Variants in MTOR observed in about 807,000 individuals in gnomAD.
MTOR encodes mechanistic target of rapamycin kinase, also known as serine/threonine-protein kinase mTOR.
MTOR carries 70 observed loss-of-function variants against 319.8 expected under a neutral mutation model. That is an observed-to-expected ratio of 0.22 (90% CI 0.18 to 0.27). MTOR has a LOEUF of 0.27. Ranked by LOEUF, MTOR falls within the 10% of genes least tolerant of loss-of-function variation. The pLI is 1.00. For synonymous variants in MTOR, 1,183 were observed against 1,211.4 expected (o/e 0.98, Z 0.49); for missense variants, 1,890 against 3,274.4 (o/e 0.58, Z 10.32).
chr1:11,160,049 G>A (rs1644426470), intron 29 of MTOR, among the ~76,000 whole-genome samples: 1 of 151,672 alleles, frequency 6.6e-6, no homozygotes, highest in Admixed American at 6.6e-5. Context: ...ACACAAAAAT[G>A]CCTCAATGTC....
At chr1:11,137,164 A>AAG (rs1643467941) in intron 36 of MTOR, among the ~76,000 whole-genome samples, 1 of 151,078 alleles carries the variant, frequency 6.6e-6, no homozygotes, top group African/African-American at 2.4e-5. Context: ...AAAAAAAAAA[A>AAG]AAAAAAAAAA....
chr1:11,225,877 C>CA (rs1646819074), intron 19 of MTOR, among the ~76,000 whole-genome samples: 1 of 152,030 alleles, frequency 6.6e-6, no homozygotes, highest in Admixed American at 6.5e-5. Context: ...ATCACTTAGA[C>CA]AAAATGAACA....
chr1:11,154,219 A>G (rs907153280), intron 30 of MTOR, among the ~76,000 whole-genome samples: 1 of 151,736 alleles, frequency 6.6e-6, no homozygotes, highest in South Asian at 2.1e-4. Flanking sequence ...ATATAAATAA[A>G]TAAAGCGGAT....
rs17848552 is a variant in MTOR, at chr1:11,130,766, C to T, written c.5376G>A (p.Ala1792=). 129 of 1,568,582 alleles carry T rather than the reference C, an allele frequency of 8.2e-5. 1 individual carries two copies. The highest frequency in any genetic ancestry group is 4.4e-4 in the East Asian group (19 of 43,028). The change falls in exon 39 of 58, where the codon GCG becomes GCA. Residue 1792 remains alanine (A), a synonymous_variant. Transcript: ENST00000361445. The part of the protein sequence containing the change: ...HDRSWYKAWH[A]WAVMNFEAVL... Reference sequence around the variant, plus strand: ...CAGCTTCGAAGTTCATCACTGCCCACGCATGCCAGGCCTGGTTGGGGAGAA... The same window carrying T: ...CAGCTTCGAAGTTCATCACTGCCCATGCATGCCAGGCCTGGTTGGGGAGAA...
chr1:11,207,543 G>A (rs901157691), intron 25 of MTOR, among the ~76,000 whole-genome samples: 2 of 151,050 alleles, frequency 1.3e-5, no homozygotes, highest in Non-Finnish European at 2.9e-5. Context: ...TGAGTAGCTG[G>A]GACTACAGGC....
At chr1:11,189,353 T>C (rs1347411559) in intron 28 of MTOR, 3 of 521,868 alleles carry the variant, frequency 5.7e-6, no homozygotes, top group African/African-American at 5.7e-5. Context: ...TGTGGAGCAT[T>C]CGGGCTTGGA....
At chr1:11,239,247 AG>A (rs1243745272) in intron 11 of MTOR, among the ~76,000 whole-genome samples, 1 of 152,174 alleles carries the variant, frequency 6.6e-6, no homozygotes, top group Non-Finnish European at 1.5e-5. Flanking sequence ...TTACATTCTC[AG>A]AGGATAATAC....
At position 11,175,098 on chromosome 1, in the gene MTOR, C is replaced by T. The variant is rs374417743; in HGVS notation, c.4254-7581G>A. ...TTTTCTAAACTAGTGATTCCCACTG[C>T]CTCCCTAACATGGGTGTGGGGTATG... On this transcript the variant is annotated intron_variant, in intron 28 of 57. Coordinates refer to ENST00000361445, the MANE Select transcript of MTOR (RefSeq NM_004958.4). Among the ~76,000 whole-genome samples the T allele has an allele frequency of 4.6e-5, 7 of 152,330 alleles. No individual in the cohort carries two copies. In the East Asian group the frequency reaches 1.2e-3, roughly 25 times the overall value.
intron 53 of MTOR, among the ~76,000 whole-genome samples, chr1:11,113,581 T>A (rs1266021834): frequency 2.0e-5 from 3 of 152,164 alleles, no homozygotes; most frequent in African/African-American, 7.2e-5. Flanking sequence ...ATTTTTTATT[T>A]GTTTTCTTTT....
rs1200199658 is a variant in MTOR at position 11,129,883 on chromosome 1, C to T, written c.5614-45G>A. ...TTAGCGACACTCTTGCCTCTGCTTT[C>T]TCATCTGTAAAATGGGCATAAGAGC... On this transcript the variant is annotated intron_variant, in intron 39 of 57. Coordinates refer to ENST00000361445, the MANE Select transcript of MTOR (RefSeq NM_004958.4). This position sits in a 1 kb window ranked among gnomAD's most constrained non-coding sequence, Gnocchi z 4.7. 1 of 1,557,632 alleles carries T rather than the reference C, an allele frequency of 6.4e-7. No homozygotes were observed. The highest frequency in any genetic ancestry group is 1.1e-5 in the South Asian group (1 of 89,182).
chr1:11,160,513 G>A (rs535928691), intron 29 of MTOR, among the ~76,000 whole-genome samples: 3 of 152,174 alleles, frequency 2.0e-5, no homozygotes, highest in Non-Finnish European at 2.9e-5. Flanking sequence ...CAGATCAGGG[G>A]CAAATGCCTT....
intron 6 of MTOR, among the ~76,000 whole-genome samples, chr1:11,252,921 C>T (rs967074548): frequency 6.6e-6 from 1 of 152,164 alleles, no homozygotes; most frequent in Non-Finnish European, 1.5e-5. Context: ...AACTACAAGG[C>T]GCATAACCAA....
At chr1:11,222,189 A>AT (rs200151601) in intron 19 of MTOR, among the ~76,000 whole-genome samples, 34 of 146,844 alleles carry the variant, frequency 2.3e-4, no homozygotes, top group African/African-American at 7.1e-4. Context: ...TTTAAAATTT[A>AT]TTTAAAAAAA....
At position 11,133,456 on chromosome 1, in the gene MTOR, G is replaced by C. The variant is rs950272964; in HGVS notation, c.5247-259C>G. On this transcript the variant is annotated intron_variant, in intron 37 of 57. Coordinates refer to ENST00000361445, the MANE Select transcript of MTOR (RefSeq NM_004958.4). This position sits in a 1 kb window ranked among gnomAD's most constrained non-coding sequence, Gnocchi z 4.0. ...ATAAACCATGTACCTGGTACAGATAGGTCTGTATGGACTTACCTACCCCAA... is the reference window on the plus strand; with the variant it reads ...ATAAACCATGTACCTGGTACAGATACGTCTGTATGGACTTACCTACCCCAA... Among the ~76,000 whole-genome samples, 3 of 152,094 alleles carry C rather than the reference G, an allele frequency of 2.0e-5. No homozygotes were observed. Among genetic ancestry groups the C allele is most frequent in the African/African-American group, 7.2e-5 (3 of 41,430 alleles).
rs752456197 is a variant in MTOR at position 11,112,956 on chromosome 1, A to G, written c.7301-39T>C. The G allele has an allele frequency of 2.5e-6, 4 of 1,590,972 alleles. No homozygotes were observed. The South Asian group carries it at 4.5e-5, about 18-fold the overall frequency. ...TAAAGAGTATTGAAACATGCTTCAA[A>G]TTTTGACTTGAAAGAAACTTGGTTA... is the stretch of plus-strand genomic sequence containing the variant. On this transcript the variant is annotated intron_variant, in intron 53 of 57. Transcript: ENST00000361445.
At chr1:11,122,354 C>T (rs763145869) in intron 47 of MTOR, among the ~76,000 whole-genome samples, 9 of 148,450 alleles carry the variant, frequency 6.1e-5, no homozygotes, top group Non-Finnish European at 8.9e-5. Context: ...CAGGCGTGTG[C>T]CACCATGCCC....
intron 28 of MTOR, among the ~76,000 whole-genome samples, chr1:11,198,413 G>C (rs563937635): frequency 3.9e-5 from 6 of 152,284 alleles, no homozygotes; most frequent in African/African-American, 1.4e-4. Context: ...AGCTAGGAAA[G>C]GACTTGGCTA....
rs545389997 is a variant in MTOR at position 11,135,073 on chromosome 1, T to C, written c.5131-607A>G. Among the ~76,000 whole-genome samples, 24 of 152,268 alleles carry C rather than the reference T, an allele frequency of 1.6e-4. No homozygotes were observed. In the South Asian group the frequency reaches 5.0e-3, roughly 32 times the overall value. ...TCCAGAGCATCCTAAAGCAGCTAGATCTATTTATACTACCGGCTTGTATAC... is the reference window on the plus strand; with the variant it reads ...TCCAGAGCATCCTAAAGCAGCTAGACCTATTTATACTACCGGCTTGTATAC... On this transcript the variant is annotated intron_variant, in intron 36 of 57. Coordinates refer to ENST00000361445, the MANE Select transcript of MTOR (RefSeq NM_004958.4).
At chr1:11,217,802 A>G (rs973488051) in intron 19 of MTOR, among the ~76,000 whole-genome samples, 1 of 151,970 alleles carries the variant, frequency 6.6e-6, no homozygotes, top group Non-Finnish European at 1.5e-5. Flanking sequence ...TTTCACTCCT[A>G]TCCACATGCA....
Sources: gnomAD v4.1 joint callset for allele counts (sites outside exome capture counted in the v4.1 genomes callset) on GRCh38, gnomAD v4.1.1 for gene constraint, Gnocchi (gnomAD v3.1) non-coding constraint, MANE v1.5 for transcripts, NCBI Gene and HGNC (gene_info 2026-07-23, HGNC 2026-07-21) for gene names.